The following GRID2 variants were observed in gnomAD, a reference collection of about 807,000 sequenced individuals.
GRID2 encodes the protein glutamate ionotropic receptor delta type subunit 2, also known as glutamate receptor ionotropic, delta-2.
GRID2 carries 33 observed loss-of-function variants against 114.8 expected under a neutral mutation model. The ratio of observed to expected loss-of-function variants is 0.29; its 90% CI spans 0.22 to 0.38. GRID2 has a LOEUF of 0.38. Among genes scored for constraint, GRID2 ranks in the 10% least tolerant of loss-of-function variants. The pLI is 1.00. For synonymous variants in GRID2, 505 were observed against 449.9 expected, an observed-to-expected ratio of 1.12 and a Z score of -1.55; for missense variants, 1,184 against 1,257.7, an observed-to-expected ratio of 0.94 and a Z score of 0.89.
chr4:92,775,589 A>G (rs952016834), intron 2 of GRID2, among the ~76,000 whole-genome samples: 1 of 152,170 alleles, frequency 6.6e-6, no homozygotes, highest in Admixed American at 6.6e-5. Flanking sequence ...CCTTTTCTGT[A>G]TACATACGGG....
chr4:92,467,465 T>G (rs1267014180), intron 1 of GRID2, among the ~76,000 whole-genome samples: 1 of 151,976 alleles, frequency 6.6e-6, no homozygotes, highest in Non-Finnish European at 1.5e-5. Context: ...CACTAATATG[T>G]AAAAAGGGAC....
Position 93,698,109 on chromosome 4 carries a change from G to A in GRID2, c.2361-71101G>A, listed in dbSNP as rs750822146. On this transcript the variant is annotated intron_variant, in intron 14 of 15. Coordinates refer to ENST00000282020, the MANE Select transcript of GRID2 (RefSeq NM_001510.4). ...AGAGTAATTAGTCAAATGTTTTCAG[G>A]TTCACTTTTCAACTCTGTCAAACAC... Among the ~76,000 whole-genome samples, 7 of 151,752 alleles carry A rather than the reference G, an allele frequency of 4.6e-5. No homozygotes were observed. In the South Asian group the frequency reaches 8.3e-4, roughly 18 times the overall value.
At chr4:92,450,286 A>G (rs778158446) in intron 1 of GRID2, among the ~76,000 whole-genome samples, 27 of 152,080 alleles carry the variant, frequency 1.8e-4, no homozygotes, top group Non-Finnish European at 3.4e-4. Context: ...AATTTCCTGA[A>G]GTAGAATGCA....
chr4:93,544,213 C>T (rs1578226439), intron 13 of GRID2, among the ~76,000 whole-genome samples: 1 of 152,112 alleles, frequency 6.6e-6, no homozygotes, highest in East Asian at 1.9e-4. Flanking sequence ...GACACTTGTT[C>T]TCAAATGTGT....
At chr4:92,566,055 T>G (rs1264812794) in intron 1 of GRID2, among the ~76,000 whole-genome samples, 1 of 151,990 alleles carries the variant, frequency 6.6e-6, no homozygotes, top group African/African-American at 2.4e-5. Flanking sequence ...TCATGTGTTC[T>G]TCGCTGACCG....
At chr4:92,795,462 C>T (rs1378616754) in intron 2 of GRID2, among the ~76,000 whole-genome samples, 1 of 151,958 alleles carries the variant, frequency 6.6e-6, no homozygotes, top group Non-Finnish European at 1.5e-5. Context: ...AATTAAACCT[C>T]CTTTTCTTCC....
intron 8 of GRID2, among the ~76,000 whole-genome samples, chr4:93,313,129 C>T (rs2149192016): frequency 6.6e-6 from 1 of 150,810 alleles, no homozygotes; most frequent in South Asian, 2.1e-4. Context: ...TTTTTTTTCA[C>T]ATAAGGCTGT....
At chr4:93,686,532 C>T (rs879634527) in intron 14 of GRID2, among the ~76,000 whole-genome samples, 1 of 151,424 alleles carries the variant, frequency 6.6e-6, no homozygotes, top group Non-Finnish European at 1.5e-5. Context: ...ACTTGCATTT[C>T]AGTGGTAAAT....
chr4:92,598,185 A>G (rs1249605345), intron 2 of GRID2, among the ~76,000 whole-genome samples: 2 of 152,152 alleles, frequency 1.3e-5, no homozygotes, highest in Non-Finnish European at 2.9e-5. Context: ...CCAGTGTGCA[A>G]TAGGAAATTG....
chr4:93,601,146 T>A (rs1374638476), intron 13 of GRID2, among the ~76,000 whole-genome samples: 3 of 152,238 alleles, frequency 2.0e-5, no homozygotes, highest in Non-Finnish European at 2.9e-5. Context: ...CTTTTCATGA[T>A]AAGTAAATTT....
intron 8 of GRID2, among the ~76,000 whole-genome samples, chr4:93,349,750 A>G (rs1275950911): frequency 2.0e-5 from 3 of 152,108 alleles, no homozygotes; most frequent in Admixed American, 2.0e-4. Flanking sequence ...GATTATTTCT[A>G]GTGCAGTTCT....
At chr4:93,593,568 G>C (rs375557054) in intron 13 of GRID2, among the ~76,000 whole-genome samples, 5 of 146,472 alleles carry the variant, frequency 3.4e-5, no homozygotes, top group Admixed American at 6.9e-5. Context: ...TCTTTGTGGC[G>C]TTCTCTGTAT....
chr4:93,050,219 T>C (rs1726556119), intron 2 of GRID2, among the ~76,000 whole-genome samples: 1 of 152,116 alleles, frequency 6.6e-6, no homozygotes, highest in Admixed American at 6.6e-5. Context: ...CATCTTCATT[T>C]AATATTGTTG....
intron 1 of GRID2, among the ~76,000 whole-genome samples, chr4:92,330,035 A>C (rs1456628463): frequency 7.4e-6 from 1 of 135,216 alleles, no homozygotes; most frequent in African/African-American, 3.1e-5. Context: ...GAAACATGCT[A>C]GACATTTTGA....
At chr4:93,536,983 AT>A (rs1578211932) in intron 13 of GRID2, among the ~76,000 whole-genome samples, 1 of 151,376 alleles carries the variant, frequency 6.6e-6, no homozygotes, top group Admixed American at 6.6e-5. Flanking sequence ...ATGTCTCTGC[AT>A]TTTTTTAATT....
At chr4:92,555,432 A>C (rs1726805370) in intron 1 of GRID2, among the ~76,000 whole-genome samples, 1 of 152,188 alleles carries the variant, frequency 6.6e-6, no homozygotes, top group Non-Finnish European at 1.5e-5. Flanking sequence ...CTTCAATTTC[A>C]TTAAGGATAG....
intron 8 of GRID2, among the ~76,000 whole-genome samples, chr4:93,282,175 A>C (rs1341469470): frequency 6.6e-6 from 1 of 152,032 alleles, no homozygotes; most frequent in Non-Finnish European, 1.5e-5. Flanking sequence ...AAACCAATCT[A>C]TAAGGGAGAA....
intron 8 of GRID2, among the ~76,000 whole-genome samples, chr4:93,272,695 G>A (rs535050115): frequency 3.3e-5 from 5 of 152,290 alleles, no homozygotes; most frequent in East Asian, 1.9e-4. Flanking sequence ...TGATATGTAA[G>A]AATAGATGCC....
chr4:93,564,187 G>C (rs1232254160), intron 13 of GRID2, among the ~76,000 whole-genome samples: 2 of 151,932 alleles, frequency 1.3e-5, no homozygotes, highest in African/African-American at 4.8e-5. Context: ...GTTTGAAACT[G>C]TTTCATAGAA....
Sources: gnomAD v4.1 joint callset for allele counts (sites outside exome capture counted in the v4.1 genomes callset) on GRCh38, gnomAD v4.1.1 for gene constraint, MANE v1.5 for transcripts, NCBI Gene and HGNC (gene_info 2026-07-23, HGNC 2026-07-21) for gene names.